Variants in PPP1R16B observed in about 807,000 individuals in gnomAD.
PPP1R16B encodes protein phosphatase 1 regulatory inhibitor subunit 16B.
PPP1R16B carries 14 observed loss-of-function variants against 61.7 expected under a neutral mutation model. The observed-to-expected ratio is 0.23, with a 90% CI of 0.15 to 0.35. The LOEUF (loss-of-function observed/expected upper bound fraction) is 0.35, where lower values mean the gene tolerates loss of function less well. PPP1R16B is among the 10% of genes least tolerant of loss of function. The pLI is 1.00. For missense variants in PPP1R16B, 547 were observed against 752.5 expected (o/e 0.73, Z 3.19); for synonymous variants, 266 against 305.3 (o/e 0.87, Z 1.34).
At chr20:38,824,859 G>A (rs1401832920) in intron 1 of PPP1R16B, among the ~76,000 whole-genome samples, 1 of 152,216 alleles carries the variant, frequency 6.6e-6, no homozygotes, top group Non-Finnish European at 1.5e-5. Flanking sequence ...GTGAAACCCT[G>A]TCTCTGCTAC....
At chr20:38,823,584 T>A (rs2084785974) in intron 1 of PPP1R16B, among the ~76,000 whole-genome samples, 1 of 151,562 alleles carries the variant, frequency 6.6e-6, no homozygotes, top group Admixed American at 6.6e-5. Flanking sequence ...GAGGTTGCAG[T>A]GAGCCGAGAT....
chr20:38,917,986 A>G lies in PPP1R16B; in HGVS notation c.1195-171A>G, dbSNP rs147534987. Among the ~76,000 whole-genome samples, 479 of 152,282 alleles carry G rather than the reference A, an allele frequency of 3.1e-3. 2 individuals carry two copies. The highest frequency in any genetic ancestry group is 0.011 in the African/African-American group (459 of 41,552). On this transcript the variant is annotated intron_variant, in intron 10 of 10. Coordinates refer to ENST00000299824, the MANE Select transcript of PPP1R16B (RefSeq NM_015568.4). Reference sequence around the variant, plus strand: ...GCAAGGCCAGGGGTCGGTCAACTGTACGGAAATTCATAGATTGGGGGTTCC... The same window carrying G: ...GCAAGGCCAGGGGTCGGTCAACTGTGCGGAAATTCATAGATTGGGGGTTCC...
intron 10 of PPP1R16B, among the ~76,000 whole-genome samples, chr20:38,913,565 C>A (rs1321934018): frequency 6.6e-6 from 1 of 152,104 alleles, no homozygotes; most frequent in Non-Finnish European, 1.5e-5. Flanking sequence ...CTGGCCATGT[C>A]GTTGTTTTTT....
rs753858488 is a variant in PPP1R16B, at chr20:38,889,634, G to T, written c.290G>T (p.Cys97Phe). Reference protein sequence around the residue: ...FLKNKVSPDLCNEDGLTALHQ... With the variant: ...FLKNKVSPDLFNEDGLTALHQ... Reference sequence around the variant, plus strand: ...AAGAATAAGGTCAGCCCTGATTTGTGCAATGAGGACGGACTCACAGCCCTA... The same window carrying T: ...AAGAATAAGGTCAGCCCTGATTTGTTCAATGAGGACGGACTCACAGCCCTA... The change falls in exon 3 of 11, where the codon TGC (cysteine) becomes TTC (phenylalanine). Residue 97 changes from cysteine (C) to phenylalanine (F), a missense_variant. By Grantham distance (205) the Cys-to-Phe change is radical. Coordinates refer to ENST00000299824, the MANE Select transcript of PPP1R16B (RefSeq NM_015568.4). The T allele has an allele frequency of 3.7e-6, 6 of 1,600,990 alleles. No individual in the cohort carries two copies. The highest frequency in any genetic ancestry group is 8.6e-7 in the Non-Finnish European group (1 of 1,167,942).
At position 38,835,861 on chromosome 20, in the gene PPP1R16B, G is replaced by A. The variant is rs1568657076; in HGVS notation, c.-65G>A. The A allele has an allele frequency of 1.4e-6, 2 of 1,461,802 alleles. No individual in the cohort carries two copies. The highest frequency in any genetic ancestry group is 2.5e-5 in the Admixed American group (1 of 40,814). 90.6% of individuals were successfully genotyped at this position (1,461,802 alleles called of 1,614,324 possible). On this transcript the variant is annotated 5_prime_UTR_variant, in exon 2 of 11. Coordinates refer to ENST00000299824, the MANE Select transcript of PPP1R16B (RefSeq NM_015568.4). ...AGGCCCCAGCCCCACCAGAGGCCCCGCGCTGCCCTGGCCCCCGGTGCACCG... is the reference window on the plus strand; with the variant it reads ...AGGCCCCAGCCCCACCAGAGGCCCCACGCTGCCCTGGCCCCCGGTGCACCG...
At chr20:38,899,014 A>G (rs969739786) in intron 4 of PPP1R16B, among the ~76,000 whole-genome samples, 1 of 152,212 alleles carries the variant, frequency 6.6e-6, no homozygotes, top group Non-Finnish European at 1.5e-5. Context: ...AGACAGAGCC[A>G]GACCAGGGGG....
At chr20:38,828,086 C>G (rs2084815095) in intron 1 of PPP1R16B, among the ~76,000 whole-genome samples, 1 of 152,226 alleles carries the variant, frequency 6.6e-6, no homozygotes, top group South Asian at 2.1e-4. Flanking sequence ...CACTTTCTGA[C>G]TCATATTTTA....
In PPP1R16B at chr20:38,906,987, G is replaced by A. The variant is rs555149000; in HGVS notation, c.831G>A (p.Met277Ile). The change falls in exon 8 of 11, where the codon ATG becomes ATA. Residue 277 changes from methionine to isoleucine, a missense_variant. Physicochemically the swap from Met to Ile is conservative, Grantham distance 10. Transcript: ENST00000299824. ...HAAAFWGQMQMAELLVSHGAS... is the reference protein window; with the variant it reads ...HAAAFWGQMQIAELLVSHGAS... ...TTCTTCCTGTGTTTCAGATGCAGAT[G>A]GCAGAGCTATTGGTGTCCCATGGAG... is the stretch of plus-strand genomic sequence containing the variant. 6.2e-7 allele frequency: 1 copy of A among 1,613,862 alleles called. No homozygotes were observed. Among genetic ancestry groups the A allele is most frequent in the Admixed American group, 1.7e-5 (1 of 60,010 alleles).
intron 2 of PPP1R16B, among the ~76,000 whole-genome samples, chr20:38,856,454 C>T (rs758586793): frequency 6.6e-6 from 1 of 152,162 alleles, no homozygotes; most frequent in Admixed American, 6.5e-5. Flanking sequence ...GTGAAGCTCC[C>T]TGGGAGTGAG....
intron 2 of PPP1R16B, among the ~76,000 whole-genome samples, chr20:38,870,574 T>C (rs1601276985): frequency 6.6e-6 from 1 of 151,868 alleles, no homozygotes; most frequent in East Asian, 1.9e-4. Flanking sequence ...CAGAACAAAA[T>C]AGCACAAGCA....
chr20:38,852,767 T>TTG (rs2084977673), intron 2 of PPP1R16B, among the ~76,000 whole-genome samples: 1 of 103,264 alleles, frequency 9.7e-6, no homozygotes, highest in Non-Finnish European at 1.9e-5. Flanking sequence ...TTTTTTTTTT[T>TTG]TGCGGGGGGT....
At chr20:38,906,297 T>TG (rs564015765) in intron 7 of PPP1R16B, among the ~76,000 whole-genome samples, 19,108 of 131,544 alleles carry the variant, frequency 0.15, 1,673 homozygotes, top group East Asian at 0.25. Context: ...TTTTTTTTTT[T>TG]TTTTTTTTTT....
At position 38,918,125 on chromosome 20, in the gene PPP1R16B, C is replaced by A. The variant is rs770912367; in HGVS notation, c.1195-32C>A. 1.9e-6 allele frequency: 3 copies of A among 1,606,182 alleles called. No individual in the cohort carries two copies. The highest frequency in any genetic ancestry group is 2.6e-6 in the Non-Finnish European group (3 of 1,174,324). ...TGGATAGTAGGTTCAGATCTTCCAG[C>A]CAGCTGGTAATGTTGTCCTTCTCAC... On this transcript the variant is annotated intron_variant, in intron 10 of 10. Coordinates refer to ENST00000299824, the MANE Select transcript of PPP1R16B (RefSeq NM_015568.4). This position sits in a 1 kb window ranked among gnomAD's most constrained non-coding sequence, Gnocchi z 5.3.
intron 1 of PPP1R16B, among the ~76,000 whole-genome samples, chr20:38,818,080 TGAG>T (rs2084750601): frequency 6.6e-6 from 1 of 152,134 alleles, no homozygotes; most frequent in Admixed American, 6.6e-5. Flanking sequence ...TGTGTGAAAG[TGAG>T]GAGGTTAGTG....
rs1050561956 is a variant in PPP1R16B at position 38,913,426 on chromosome 20, C to A, written c.1195-4731C>A. On this transcript the variant is annotated intron_variant, in intron 10 of 10. Transcript: ENST00000299824. ...TACAGGCGCACGCCACCATGCCCAG[C>A]TAATTTTTGTATTTTTAGTAGAGAC... is the stretch of plus-strand genomic sequence containing the variant. 8.6e-5 allele frequency among the ~76,000 whole-genome samples: 13 copies of A among 151,974 alleles called. No homozygotes were observed. The South Asian group carries it at 2.3e-3, about 27-fold the overall frequency.
Position 38,895,698 on chromosome 20 carries a change from T to A in PPP1R16B, c.455T>A (p.Ile152Asn). The A allele has an allele frequency of 6.2e-7, 1 of 1,614,100 alleles. No individual in the cohort carries two copies. The highest frequency in any genetic ancestry group is 8.5e-7 in the Non-Finnish European group (1 of 1,179,998). ...TGCGGCCACATCAACCTGGTGAAGA[T>A]CCTCGTTCAGTAGTACGTGCCCCTC... is the stretch of plus-strand genomic sequence containing the variant. Reference protein sequence around the residue: ...ATCGHINLVKILVQYGADLLA... With the variant: ...ATCGHINLVKNLVQYGADLLA... The change falls in exon 4 of 11, where the codon ATC becomes AAC. Residue 152 changes from isoleucine to asparagine, a missense_variant. Physicochemically the swap from Ile to Asn is moderately radical, Grantham distance 149 (BLOSUM62 -3). Coordinates refer to ENST00000299824, the MANE Select transcript of PPP1R16B (RefSeq NM_015568.4).
intron 2 of PPP1R16B, among the ~76,000 whole-genome samples, chr20:38,883,106 C>G (rs539733017): frequency 2.6e-5 from 4 of 152,138 alleles, no homozygotes; most frequent in African/African-American, 7.2e-5. Context: ...GGAGGGCAGG[C>G]CTTGTGAGTG....
intron 2 of PPP1R16B, among the ~76,000 whole-genome samples, chr20:38,884,228 G>A (rs1260720269): frequency 2.6e-5 from 4 of 152,228 alleles, no homozygotes; most frequent in Admixed American, 1.3e-4. Flanking sequence ...GGCTGAGCAG[G>A]CTGCACACTG....
chr20:38,814,917 T>C (rs537606207), intron 1 of PPP1R16B, among the ~76,000 whole-genome samples: 81 of 152,354 alleles, frequency 5.3e-4, no homozygotes, highest in African/African-American at 1.8e-3. Context: ...TCCTGTTTTC[T>C]TTCTGGAACT....
Sources: gnomAD v4.1 joint callset for allele counts (sites outside exome capture counted in the v4.1 genomes callset) on GRCh38, gnomAD v4.1.1 for gene constraint, Gnocchi (gnomAD v3.1) non-coding constraint, MANE v1.5 for transcripts, NCBI Gene and HGNC (gene_info 2026-07-23, HGNC 2026-07-21) for gene names.